The following PDCD7 variants were observed in gnomAD, a reference collection of about 807,000 sequenced individuals.
The protein encoded by PDCD7 is programmed cell death 7.
PDCD7 carries 40 observed loss-of-function variants against 42.1 expected under a neutral mutation model. That is an observed-to-expected ratio of 0.95 (90% CI 0.74 to 1.24). PDCD7 has a LOEUF of 1.24. Among genes scored for constraint, PDCD7 ranks in the 50% most tolerant of loss-of-function variants. The pLI is 0.00. For synonymous variants in PDCD7, 299 were observed against 303.3 expected (o/e 0.99, Z 0.15); for missense variants, 644 against 662.8 (o/e 0.97, Z 0.31).
At chr15:65,121,161 G>A (rs1010445743) in intron 2 of PDCD7, among the ~76,000 whole-genome samples, 9 of 151,108 alleles carry the variant, frequency 6.0e-5, no homozygotes, top group South Asian at 2.1e-4. Flanking sequence ...GGGTTCAAGC[G>A]ATTCTCCTGA....
rs2087459024 is a variant in PDCD7 at position 65,122,037 on chromosome 15, G to C, written c.1010-2083C>G. On this transcript the variant is annotated intron_variant, in intron 2 of 4. Transcript: ENST00000204549. ...GAAAATATGTTACCCAAGCATTTTAGCAATACCAGATACAGGGCCAAGCGT... is the reference window on the plus strand; with the variant it reads ...GAAAATATGTTACCCAAGCATTTTACCAATACCAGATACAGGGCCAAGCGT... 2.0e-5 allele frequency among the ~76,000 whole-genome samples: 3 copies of C among 152,036 alleles called. No individual in the cohort carries two copies. The South Asian group carries it at 6.2e-4, about 32-fold the overall frequency.
Position 65,120,870 on chromosome 15 carries a change from G to T in PDCD7, c.1010-916C>A, listed in dbSNP as rs75527576. On this transcript the variant is annotated intron_variant, in intron 2 of 4. Transcript: ENST00000204549. Reference sequence around the variant, plus strand: ...CACACGTTTTCTTATCCCAAAATTTGTGTTATAATGAGGAAGTTTAAAAGT... The same window carrying T: ...CACACGTTTTCTTATCCCAAAATTTTTGTTATAATGAGGAAGTTTAAAAGT... Among the ~76,000 whole-genome samples, 401 of 152,154 alleles carry T rather than the reference G, an allele frequency of 2.6e-3. 1 individual carries two copies. Among genetic ancestry groups the T allele is most frequent in the African/African-American group, 9.4e-3 (390 of 41,516 alleles).
chr15:65,131,704 A>G (rs1172467962), intron 1 of PDCD7, among the ~76,000 whole-genome samples: 1 of 152,154 alleles, frequency 6.6e-6, no homozygotes, highest in Non-Finnish European at 1.5e-5. Flanking sequence ...AACCAAGATC[A>G]TGCCATTGCA....
chr15:65,130,204 C>T (rs1265643495), intron 1 of PDCD7, among the ~76,000 whole-genome samples: 1 of 134,752 alleles, frequency 7.4e-6, no homozygotes, highest in Non-Finnish European at 1.5e-5. Context: ...GTTGTCCAGG[C>T]TGGAGGGCAA....
chr15:65,126,053 AC>A (rs1024634560), intron 2 of PDCD7, among the ~76,000 whole-genome samples: 1 of 152,078 alleles, frequency 6.6e-6, no homozygotes, highest in Non-Finnish European at 1.5e-5. Context: ...ATTACCTCCC[AC>A]CAAGTCCCTC....
intron 2 of PDCD7, among the ~76,000 whole-genome samples, chr15:65,127,463 C>CAAAA (rs1464820018): frequency 3.4e-5 from 2 of 58,238 alleles, no homozygotes; most frequent in Non-Finnish European, 3.4e-5. Flanking sequence ...GACTCCGTCT[C>CAAAA]AAAAAAAAAA....
At chr15:65,124,237 C>A (rs549531048) in intron 2 of PDCD7, among the ~76,000 whole-genome samples, 1 of 151,854 alleles carries the variant, frequency 6.6e-6, no homozygotes, top group South Asian at 2.1e-4. Context: ...GCCTGACCAA[C>A]GTGGTGAAAC....
chr15:65,118,895 TGTTCA>T, intron 4 of PDCD7, 55 bp from the exon 5 acceptor site: 1 of 1,350,108 alleles, frequency 7.4e-7, no homozygotes, highest in South Asian at 1.7e-5. Context: ...CCAAATAAGA[TGTTCA>T]GCAACTACAT....
At chr15:65,119,332 T>C (rs773123254) in intron 4 of PDCD7, 44 bp downstream of exon 4, 8 of 1,354,992 alleles carry the variant, frequency 5.9e-6, no homozygotes, top group Admixed American at 1.7e-5. Context: ...AAGTGCTTCC[T>C]GCTACCTAAG....
rs140616226 is a variant in PDCD7, at chr15:65,120,524, C to T, written c.1010-570G>A. Among the ~76,000 whole-genome samples, 868 of 152,136 alleles carry T rather than the reference C, an allele frequency of 5.7e-3. 9 individuals are homozygous for T. Among genetic ancestry groups the T allele is most frequent in the South Asian group, 0.026 (125 of 4,814 alleles). On this transcript the variant is annotated intron_variant, in intron 2 of 4. Coordinates refer to ENST00000204549, the MANE Select transcript of PDCD7 (RefSeq NM_005707.2). Reference sequence around the variant, plus strand: ...GAGATTGAGAACATCCTGGCTAACACGGTGAAACCCCGTCTCTACTAAAAA... The same window carrying T: ...GAGATTGAGAACATCCTGGCTAACATGGTGAAACCCCGTCTCTACTAAAAA...
chr15:65,122,520 T>C (rs181485810), intron 2 of PDCD7, among the ~76,000 whole-genome samples: 1 of 152,338 alleles, frequency 6.6e-6, no homozygotes, highest in Non-Finnish European at 1.5e-5. Flanking sequence ...TCCCTGTTGA[T>C]TCTGTACGTT....
At position 65,124,935 on chromosome 15, in the gene PDCD7, T is replaced by C. The variant is rs147018417; in HGVS notation, c.1009+4097A>G. ...TGCCAATATATGTCAGCTGGACCCA[T>C]AGCACCCCCTGCAACCATCTTCCAC... On this transcript the variant is annotated intron_variant, in intron 2 of 4. Coordinates refer to ENST00000204549, the MANE Select transcript of PDCD7 (RefSeq NM_005707.2). Among the ~76,000 whole-genome samples, 538 of 152,256 alleles carry C rather than the reference T, an allele frequency of 3.5e-3. 3 individuals are homozygous for C. Among genetic ancestry groups the C allele is most frequent in the Non-Finnish European group, 6.1e-3 (417 of 68,014 alleles).
chr15:65,119,332 TG>T (rs772730689), intron 4 of PDCD7, 43 bp downstream of exon 4: 1 of 1,355,106 alleles, frequency 7.4e-7, no homozygotes, highest in South Asian at 1.2e-5. Context: ...AAGTGCTTCC[TG>T]CTACCTAAGA....
At chr15:65,130,330 G>C (rs2087529945) in intron 1 of PDCD7, among the ~76,000 whole-genome samples, 1 of 151,538 alleles carries the variant, frequency 6.6e-6, no homozygotes, top group African/African-American at 2.4e-5. Flanking sequence ...CTAATTTTTT[G>C]TATTTTTAGT....
intron 2 of PDCD7, among the ~76,000 whole-genome samples, chr15:65,124,192 C>A (rs1030878330): frequency 6.6e-6 from 1 of 151,952 alleles, no homozygotes; most frequent in Non-Finnish European, 1.5e-5. Flanking sequence ...GAGGCTGAGG[C>A]GGGTAGATTA....
chr15:65,127,949 A>T (rs1005710304), intron 2 of PDCD7, among the ~76,000 whole-genome samples: 1 of 152,226 alleles, frequency 6.6e-6, no homozygotes, highest in Non-Finnish European at 1.5e-5. Context: ...AAATGCCCTG[A>T]GAGTACCACA....
In PDCD7 at chr15:65,133,327, C is replaced by T; in HGVS notation, c.455G>A (p.Gly152Glu). 1 of 1,287,830 alleles carries T rather than the reference C, an allele frequency of 7.8e-7. No individual in the cohort carries two copies. The highest frequency in any genetic ancestry group is 3.9e-5 in the Admixed American group (1 of 25,922). 79.8% of individuals were successfully genotyped at this position (1,287,830 alleles called of 1,614,324 possible). A position where few individuals can be genotyped will look rare whatever the true frequency, so the allele number is the denominator to read the frequency against. Residue 152 changes from glycine to glutamate, a missense_variant, in exon 1 of 5, where the codon GGG (glycine) becomes GAG (glutamate). Gly to Glu is a moderately conservative substitution (Grantham distance 98). Transcript: ENST00000204549. ...CGGACAGCCTGCCCGCCGCGGGGTCCCGAACACCGCCTCCAGCCACTGCCG... is the reference window on the plus strand; with the variant it reads ...CGGACAGCCTGCCCGCCGCGGGGTCTCGAACACCGCCTCCAGCCACTGCCG... ...RDRQWLEAVF[G>E]TPRRAGCPVP...
In PDCD7 at chr15:65,130,129, C is replaced by A. The variant is rs181947670; in HGVS notation, c.871-959G>T. ...AAAATGCTGGGATTACAGGAGTGAG[C>A]CACTTCGCACCCGCCCCCAACCCTC... On this transcript the variant is annotated intron_variant, in intron 1 of 4. Transcript: ENST00000204549. Among the ~76,000 whole-genome samples the A allele has an allele frequency of 6.0e-5, 9 of 149,976 alleles. No homozygotes were observed. The East Asian group carries it at 9.7e-4, about 16-fold the overall frequency.
intron 2 of PDCD7, among the ~76,000 whole-genome samples, chr15:65,125,377 A>T (rs1310375679): frequency 6.6e-6 from 1 of 152,048 alleles, no homozygotes; most frequent in Non-Finnish European, 1.5e-5. Flanking sequence ...CACCATCACC[A>T]CTACCACACA....
Sources: gnomAD v4.1 joint callset for allele counts (sites outside exome capture counted in the v4.1 genomes callset) on GRCh38, gnomAD v4.1.1 for gene constraint, MANE v1.5 for transcripts, NCBI Gene and HGNC (gene_info 2026-07-23, HGNC 2026-07-21) for gene names.